SLC20A2: variants seen among roughly 807,000 people sequenced by gnomAD.
SLC20A2 encodes the protein sodium-dependent phosphate transporter 2.
In SLC20A2, 30 loss-of-function variants were observed where a neutral mutation model predicts 61.0. The ratio of observed to expected loss-of-function variants is 0.49; its 90% CI spans 0.37 to 0.67. SLC20A2 has a LOEUF of 0.67. Ranked by LOEUF, SLC20A2 falls within the 30% of genes least tolerant of loss-of-function variation. The pLI is 0.00. For missense variants in SLC20A2, 626 were observed against 866.4 expected (o/e 0.72, Z 3.48); for synonymous variants, 351 against 353.3 (o/e 0.99, Z 0.07).
chr8:42,512,067 T>C (rs1462468406), intron 1 of SLC20A2, among the ~76,000 whole-genome samples: 1 of 152,202 alleles, frequency 6.6e-6, no homozygotes, highest in Non-Finnish European at 1.5e-5. Context: ...TCATGGTTGA[T>C]TGTAGACTGC....
intron 8 of SLC20A2, among the ~76,000 whole-genome samples, chr8:42,432,790 T>A (rs1454998061): frequency 6.6e-6 from 1 of 152,222 alleles, no homozygotes; most frequent in East Asian, 1.9e-4. Context: ...GCTAGCATTA[T>A]TTTTTAGCAA....
chr8:42,475,528 G>C (rs973227828), intron 1 of SLC20A2, among the ~76,000 whole-genome samples: 2 of 152,028 alleles, frequency 1.3e-5, no homozygotes, highest in Non-Finnish European at 2.9e-5. Context: ...TCCTGCCTCG[G>C]CCTCCCGAGT....
At chr8:42,499,426 A>T (rs1250486068) in intron 1 of SLC20A2, among the ~76,000 whole-genome samples, 1 of 152,222 alleles carries the variant, frequency 6.6e-6, no homozygotes, top group African/African-American at 2.4e-5. Flanking sequence ...ACTCTCTCAC[A>T]GCACGTAAAT....
intron 1 of SLC20A2, among the ~76,000 whole-genome samples, chr8:42,512,389 T>C (rs1266903906): frequency 6.6e-6 from 1 of 151,264 alleles, no homozygotes; most frequent in Non-Finnish European, 1.5e-5. Context: ...CTCACTGTGA[T>C]GCCCAGGCTG....
chr8:42,494,474 C>T (rs1809764448), intron 1 of SLC20A2, among the ~76,000 whole-genome samples: 1 of 152,098 alleles, frequency 6.6e-6, no homozygotes, highest in South Asian at 2.1e-4. Flanking sequence ...CACATATAAG[C>T]TCACCTCCTA....
At chr8:42,516,692 A>G (rs1257445144) in intron 1 of SLC20A2, among the ~76,000 whole-genome samples, 1 of 152,222 alleles carries the variant, frequency 6.6e-6, no homozygotes, top group Non-Finnish European at 1.5e-5. Context: ...CTTCAGATCC[A>G]ACAACCAAAC....
At chr8:42,455,292 A>AGC (rs1377407686) in intron 5 of SLC20A2, among the ~76,000 whole-genome samples, 1 of 138,394 alleles carries the variant, frequency 7.2e-6, no homozygotes, top group Non-Finnish European at 1.6e-5. Flanking sequence ...AGAGAGAGAG[A>AGC]GCGTGCGCAT....
chr8:42,464,286 T>C (rs1806980900), intron 3 of SLC20A2, among the ~76,000 whole-genome samples: 2 of 147,126 alleles, frequency 1.4e-5, no homozygotes, highest in East Asian at 2.0e-4. Flanking sequence ...TTTCTTTCTT[T>C]TTTTTTTTTT....
intron 1 of SLC20A2, among the ~76,000 whole-genome samples, chr8:42,487,473 G>A (rs1026517369): frequency 1.3e-5 from 2 of 152,246 alleles, no homozygotes; most frequent in Admixed American, 6.5e-5. Flanking sequence ...CACCGTGCCC[G>A]GCCTATTTTT....
intron 5 of SLC20A2, among the ~76,000 whole-genome samples, chr8:42,446,107 C>T (rs566369822): frequency 1.7e-4 from 26 of 152,330 alleles, no homozygotes; most frequent in African/African-American, 6.3e-4. Flanking sequence ...AGGCATGAGC[C>T]ACCTGGCCCA....
At chr8:42,443,540 C>T (rs1297341582) in intron 6 of SLC20A2, among the ~76,000 whole-genome samples, 10 of 151,686 alleles carry the variant, frequency 6.6e-5, no homozygotes, top group Admixed American at 6.6e-4. Flanking sequence ...AGGCTGGTCT[C>T]CTGACCAACG....
intron 7 of SLC20A2, among the ~76,000 whole-genome samples, chr8:42,439,135 C>T (rs536859583): frequency 2.0e-5 from 3 of 152,270 alleles, no homozygotes; most frequent in East Asian, 1.9e-4. Flanking sequence ...TTCAGCAATT[C>T]GATAACTCCT....
At chr8:42,521,113 T>C (rs1339635019) in intron 1 of SLC20A2, among the ~76,000 whole-genome samples, 1 of 121,786 alleles carries the variant, frequency 8.2e-6, no homozygotes, top group African/African-American at 2.5e-5. Context: ...TCAGCATTTT[T>C]CCCACAGAAA....
At chr8:42,451,877 G>C (rs1261865466) in intron 5 of SLC20A2, among the ~76,000 whole-genome samples, 1 of 140,946 alleles carries the variant, frequency 7.1e-6, no homozygotes, top group Non-Finnish European at 1.5e-5. Context: ...GGAGGAGGAA[G>C]AGGAAGAGAT....
rs1426379036 is a variant in SLC20A2, at chr8:42,465,927, G to A, written c.290-10C>T. ...TGCCACACAGCGGAACCTACAGATT[G>A]AAGGACAAAAAACCATCAGATACAG... On this transcript the variant is annotated splice_polypyrimidine_tract_variant and intron_variant, in intron 2 of 10. Coordinates refer to ENST00000520262, the MANE Select transcript of SLC20A2 (RefSeq NM_001257180.2). The A allele has an allele frequency of 6.2e-7, 1 of 1,603,868 alleles. No homozygotes were observed. The highest frequency in any genetic ancestry group is 8.5e-7 in the Non-Finnish European group (1 of 1,177,316).
chr8:42,422,756 G>A (rs1026397347), intron 10 of SLC20A2, among the ~76,000 whole-genome samples: 1 of 151,958 alleles, frequency 6.6e-6, no homozygotes, highest in African/African-American at 2.4e-5. Context: ...TCTTTGTCAC[G>A]TATATTGTTG....
At position 42,471,027 on chromosome 8, in the gene SLC20A2, G is replaced by A. The variant is rs1242032462; in HGVS notation, c.289+1075C>T. On this transcript the variant is annotated intron_variant, in intron 2 of 10. Transcript: ENST00000520262. Reference sequence around the variant, plus strand: ...ATGTAAGTGACAAAATAAAGAACTCGGGGGAATGTGGCTGTATTCTTAGTA... The same window carrying A: ...ATGTAAGTGACAAAATAAAGAACTCAGGGGAATGTGGCTGTATTCTTAGTA... The A allele has an allele frequency of 1.5e-5, 5 of 338,596 alleles. No individual in the cohort carries two copies. In the East Asian group the frequency reaches 2.5e-4, roughly 17 times the overall value. The allele number at this position is 338,596 out of a possible 1,614,324, so 21.0% of individuals were successfully genotyped here.
chr8:42,537,941 A>G (rs930502740), intron 1 of SLC20A2: 4 of 152,178 alleles, frequency 2.6e-5, no homozygotes, highest in African/African-American at 9.7e-5. Flanking sequence ...TTCCGGTACG[A>G]TCTTGAGCAA....
At chr8:42,459,563 C>T (rs1806538618) in intron 5 of SLC20A2, among the ~76,000 whole-genome samples, 1 of 152,150 alleles carries the variant, frequency 6.6e-6, no homozygotes, top group South Asian at 2.1e-4. Flanking sequence ...TTCTGAGGCT[C>T]AGAGAGGCTA....
Sources: allele counts gnomAD v4.1 joint callset (sites outside exome capture counted in the v4.1 genomes callset), GRCh38; gene constraint gnomAD v4.1.1; transcripts MANE v1.5; gene names NCBI Gene and HGNC (gene_info 2026-07-23, HGNC 2026-07-21).